The following NTM variants were observed in gnomAD, a reference collection of about 807,000 sequenced individuals.
NTM encodes IgLON family member 2.
NTM carries 13 observed loss-of-function variants against 42.1 expected under a neutral mutation model. That is an observed-to-expected ratio of 0.31 (90% CI 0.20 to 0.49). The LOEUF is 0.49. NTM is among the 20% of genes least tolerant of loss of function. The pLI is 0.99. For synonymous variants in NTM, 187 were observed against 179.2 expected, an observed-to-expected ratio of 1.04 and a Z score of -0.35; for missense variants, 373 against 452.8, an observed-to-expected ratio of 0.82 and a Z score of 1.60.
intron 1 of NTM, among the ~76,000 whole-genome samples, chr11:131,566,951 G>T (rs2056953036): frequency 1.3e-5 from 2 of 152,074 alleles, no homozygotes; most frequent in South Asian, 4.2e-4. Flanking sequence ...AGTGAAAGCA[G>T]TTCCTCAGAG....
At chr11:132,270,560 T>C (rs1363270405) in intron 4 of NTM, among the ~76,000 whole-genome samples, 2 of 152,158 alleles carry the variant, frequency 1.3e-5, no homozygotes, top group African/African-American at 4.8e-5. Flanking sequence ...TCAGTTTATT[T>C]GTCCAAAGAA....
chr11:132,116,563 C>A (rs1217008244), intron 2 of NTM, among the ~76,000 whole-genome samples: 1 of 152,174 alleles, frequency 6.6e-6, no homozygotes, highest in Non-Finnish European at 1.5e-5. Flanking sequence ...ACTTAACCAC[C>A]CTCATAGTAG....
At chr11:131,628,181 G>A (rs990016000) in intron 1 of NTM, among the ~76,000 whole-genome samples, 1 of 152,186 alleles carries the variant, frequency 6.6e-6, no homozygotes, top group Non-Finnish European at 1.5e-5. Context: ...CACAGAGGGA[G>A]GATGTGAGGA....
intron 1 of NTM, among the ~76,000 whole-genome samples, chr11:131,388,681 T>G (rs908386317): frequency 6.6e-6 from 1 of 151,812 alleles, no homozygotes; most frequent in Non-Finnish European, 1.5e-5. Context: ...GATCTGTATT[T>G]GGGGAAAGAG....
intron 1 of NTM, among the ~76,000 whole-genome samples, chr11:131,882,688 C>CAA: frequency 6.6e-6 from 1 of 152,046 alleles, no homozygotes; most frequent in Non-Finnish European, 1.5e-5. Context: ...ATTCAATTCA[C>CAA]AATTCCGGTG....
chr11:131,894,274 G>A (rs778922951), intron 1 of NTM, among the ~76,000 whole-genome samples: 10 of 152,178 alleles, frequency 6.6e-5, no homozygotes, highest in Non-Finnish European at 7.3e-5. Context: ...GTTCAGGCTT[G>A]GTCTATAAAG....
intron 1 of NTM, among the ~76,000 whole-genome samples, chr11:131,876,698 A>G (rs1475379210): frequency 3.9e-5 from 6 of 152,222 alleles, no homozygotes; most frequent in African/African-American, 1.2e-4. Flanking sequence ...GAGCTGAGAG[A>G]GGCCAGGTTA....
chr11:131,926,027 G>T (rs1360929839), intron 2 of NTM, among the ~76,000 whole-genome samples: 1 of 152,164 alleles, frequency 6.6e-6, no homozygotes, highest in Non-Finnish European at 1.5e-5. Flanking sequence ...TCTCCTATGA[G>T]CCAGGAGCTG....
intron 1 of NTM, among the ~76,000 whole-genome samples, chr11:131,541,249 C>A (rs566490174): frequency 1.3e-5 from 2 of 152,292 alleles, no homozygotes; most frequent in African/African-American, 4.8e-5. Flanking sequence ...CCTCGCCTTC[C>A]GCCATGTAAT....
At chr11:131,625,580 G>A (rs751578610) in intron 1 of NTM, among the ~76,000 whole-genome samples, 10 of 151,542 alleles carry the variant, frequency 6.6e-5, no homozygotes, top group Non-Finnish European at 1.0e-4. Context: ...TTCAGATAAC[G>A]TTCCCCAATA....
chr11:131,923,442 G>C (rs999602975), intron 2 of NTM, among the ~76,000 whole-genome samples: 1 of 152,188 alleles, frequency 6.6e-6, no homozygotes, highest in Non-Finnish European at 1.5e-5. Context: ...GCATGGGATT[G>C]GGTGTTATTA....
At position 132,063,563 on chromosome 11, in the gene NTM, C is replaced by G. The variant is rs146869694; in HGVS notation, c.168-82719C>G. 2.0e-5 allele frequency among the ~76,000 whole-genome samples: 3 copies of G among 152,300 alleles called. No homozygotes were observed. In the East Asian group the frequency reaches 5.8e-4, roughly 29 times the overall value. On this transcript the variant is annotated intron_variant, in intron 2 of 8. Coordinates refer to ENST00000683400, the MANE Select transcript of NTM (RefSeq NM_001352005.2). ...CAGAGATGCACTGAGCCAGCAGAGC[C>G]TGAAAAGCTACTGGAATCGTGTGTC...
At chr11:131,870,904 C>T (rs1165338666) in intron 1 of NTM, among the ~76,000 whole-genome samples, 1 of 152,046 alleles carries the variant, frequency 6.6e-6, no homozygotes, top group Non-Finnish European at 1.5e-5. Flanking sequence ...AAAAATAGTC[C>T]TATTTCAGAC....
intron 1 of NTM, among the ~76,000 whole-genome samples, chr11:131,506,538 G>C (rs1258774081): frequency 6.6e-6 from 1 of 152,192 alleles, no homozygotes; most frequent in African/African-American, 2.4e-5. Flanking sequence ...GCGGCCACAG[G>C]GAGAGGTGGC....
chr11:131,833,254 G>T (rs961808484), intron 1 of NTM, among the ~76,000 whole-genome samples: 18 of 152,182 alleles, frequency 1.2e-4, no homozygotes, highest in African/African-American at 4.1e-4. Flanking sequence ...GAGTTTTACA[G>T]TGCACTCTGA....
At chr11:132,218,266 G>A (rs943557064) in intron 4 of NTM, among the ~76,000 whole-genome samples, 2 of 152,202 alleles carry the variant, frequency 1.3e-5, no homozygotes, top group African/African-American at 4.8e-5. Flanking sequence ...CAACACCAAA[G>A]GACTGAGAAG....
chr11:132,107,373 CAG>C (rs1372020508), intron 2 of NTM, among the ~76,000 whole-genome samples: 1 of 80,630 alleles, frequency 1.2e-5, no homozygotes, highest in African/African-American at 5.5e-5. Flanking sequence ...TTTTTTGAGA[CAG>C]GGTTTCAGTC....
At chr11:132,188,512 T>C (rs4245105) in intron 3 of NTM, among the ~76,000 whole-genome samples, 103,664 of 152,016 alleles carry the variant, frequency 0.68, 35,675 homozygotes, top group Middle Eastern at 0.78. Context: ...TTAATGAACT[T>C]ACGCCGGTCT....
At chr11:132,019,961 C>A (rs2074070832) in intron 2 of NTM, among the ~76,000 whole-genome samples, 1 of 151,716 alleles carries the variant, frequency 6.6e-6, no homozygotes, top group Non-Finnish European at 1.5e-5. Context: ...GTGTATAGTA[C>A]CTGACAGGTA....
Sources: allele counts gnomAD v4.1 joint callset (sites outside exome capture counted in the v4.1 genomes callset), GRCh38; gene constraint gnomAD v4.1.1; transcripts MANE v1.5; gene names NCBI Gene and HGNC (gene_info 2026-07-23, HGNC 2026-07-21).